The following FER1L6 variants were observed in gnomAD, a reference collection of about 807,000 sequenced individuals.
FER1L6 encodes the protein fer-1-like protein 6.
A neutral mutation model predicts 219.2 loss-of-function variants in FER1L6; 177 were observed. That is an observed-to-expected ratio of 0.81 (90% CI 0.71 to 0.91). The LOEUF is 0.91. Among genes scored for constraint, FER1L6 ranks in the 40% least tolerant of loss-of-function variants. The pLI is 0.00. For missense variants in FER1L6, 2,153 were observed against 2,259.9 expected, an observed-to-expected ratio of 0.95 and a Z score of 0.96; for synonymous variants, 768 against 824.3, an observed-to-expected ratio of 0.93 and a Z score of 1.17.
chr8:123,888,019 G>C (rs1311740703), intron 1 of FER1L6, among the ~76,000 whole-genome samples: 1 of 152,122 alleles, frequency 6.6e-6, no homozygotes, highest in African/African-American at 2.4e-5. Context: ...CATTCTTGGG[G>C]CTTGTTTGTT....
At chr8:123,974,232 G>A (rs1377881110) in intron 7 of FER1L6, among the ~76,000 whole-genome samples, 1 of 152,194 alleles carries the variant, frequency 6.6e-6, no homozygotes. Context: ...CAGCCTGAGT[G>A]TGAGGCATAA....
chr8:124,040,270 A>G (rs1819425304), intron 20 of FER1L6, among the ~76,000 whole-genome samples: 1 of 152,228 alleles, frequency 6.6e-6, no homozygotes, highest in African/African-American at 2.4e-5. Context: ...AATGAGGCGG[A>G]GAAGGCTAAA....
chr8:124,101,057 T>G (rs775035547), intron 37 of FER1L6, 40 bp from the exon 38 acceptor site: 5 of 1,596,752 alleles, frequency 3.1e-6, no homozygotes, highest in Non-Finnish European at 4.3e-6. Flanking sequence ...GCCTGGAGAA[T>G]GTACTCTGAG....
chr8:124,103,957 C>G (rs1485113718), intron 39 of FER1L6, among the ~76,000 whole-genome samples: 1 of 152,196 alleles, frequency 6.6e-6, no homozygotes, highest in East Asian at 1.9e-4. Context: ...CTTCTAGTGC[C>G]TTGTGGCAAA....
chr8:124,094,872 C>G, intron 34 of FER1L6, 24 bp from the exon 35 acceptor site: 2 of 1,613,394 alleles, frequency 1.2e-6, no homozygotes, highest in Non-Finnish European at 8.5e-7. Flanking sequence ...ACACATCTGA[C>G]AAGTTTGTCT....
chr8:123,976,160 CAAATT>C, intron 9 of FER1L6, 76 bp downstream of exon 9: 1 of 1,205,236 alleles, frequency 8.3e-7, no homozygotes, highest in Non-Finnish European at 1.1e-6. Context: ...TTAATCAAAT[CAAATT>C]AATAAAAATT....
chr8:124,116,056 A>G (rs769995792), intron 39 of FER1L6, among the ~76,000 whole-genome samples: 1 of 152,256 alleles, frequency 6.6e-6, no homozygotes, highest in Non-Finnish European at 1.5e-5. Flanking sequence ...TCATTATTAA[A>G]TAAGTAGCCT....
intron 22 of FER1L6, among the ~76,000 whole-genome samples, chr8:124,055,331 T>C (rs1461859082): frequency 6.6e-6 from 1 of 151,882 alleles, no homozygotes; most frequent in African/African-American, 2.4e-5. Context: ...ACTATGATCA[T>C]GCTACTGCAC....
At chr8:124,057,395 TTTTC>T (rs1435592275) in intron 22 of FER1L6, among the ~76,000 whole-genome samples, 1 of 152,216 alleles carries the variant, frequency 6.6e-6, no homozygotes, top group African/African-American at 2.4e-5. Flanking sequence ...TTTAAGGTAT[TTTTC>T]TTTATTTTTG....
In FER1L6 at chr8:124,023,900, G is replaced by GT. The variant is rs36091040; in HGVS notation, c.2286+318dup. 2.3e-3 allele frequency among the ~76,000 whole-genome samples: 309 copies of GT among 135,112 alleles called. 1 individual carries two copies. The highest frequency in any genetic ancestry group is 4.1e-3 in the African/African-American group (145 of 35,044). The allele number at this position is 135,112 out of a possible 152,430, so 88.6% of individuals were successfully genotyped here. On this transcript the variant is annotated intron_variant, in intron 18 of 40. Coordinates refer to ENST00000522917, the MANE Select transcript of FER1L6 (RefSeq NM_001039112.2). ...AGTATTAATAACAATGAACCTTAAG[G>GT]TTTTTTTTTTTTTTGAGACAGTGTC...
At chr8:124,015,607 A>ATATATGTATGTATGTATG (rs1554632087) in intron 15 of FER1L6, among the ~76,000 whole-genome samples, 1 of 88,606 alleles carries the variant, frequency 1.1e-5, no homozygotes, top group African/African-American at 4.3e-5. Context: ...ATATATATAT[A>ATATATGTATGTATGTATG]TATATATATT....
At chr8:123,950,608 C>T (rs1396225059) in intron 1 of FER1L6, among the ~76,000 whole-genome samples, 5 of 152,182 alleles carry the variant, frequency 3.3e-5, no homozygotes, top group African/African-American at 9.7e-5. Flanking sequence ...ATTTCCTAGA[C>T]TCAGCTGACT....
At chr8:123,861,466 C>A (rs998988756) in intron 1 of FER1L6, among the ~76,000 whole-genome samples, 4 of 140,912 alleles carry the variant, frequency 2.8e-5, no homozygotes, top group African/African-American at 1.2e-4. Context: ...GCGATGCGGG[C>A]TCTTTTTTGG....
At chr8:124,025,447 A>G (rs939789157) in intron 18 of FER1L6, among the ~76,000 whole-genome samples, 3 of 151,988 alleles carry the variant, frequency 2.0e-5, no homozygotes, top group Admixed American at 6.6e-5. Flanking sequence ...CCTTTCTCCA[A>G]TTTGTGTTTT....
chr8:123,924,818 G>A (rs1813502580), intron 1 of FER1L6: 2 of 152,208 alleles, frequency 1.3e-5, no homozygotes, highest in African/African-American at 4.8e-5. Context: ...GGTGCAAGCA[G>A]CCACACTTTC....
At chr8:124,076,979 G>A (rs1214897131) in intron 32 of FER1L6, among the ~76,000 whole-genome samples, 1 of 152,236 alleles carries the variant, frequency 6.6e-6, no homozygotes, top group Admixed American at 6.5e-5. Flanking sequence ...GCATTCACCA[G>A]CTCACAGCAA....
intron 13 of FER1L6, among the ~76,000 whole-genome samples, chr8:124,008,057 T>G (rs1012441063): frequency 6.6e-6 from 1 of 152,192 alleles, no homozygotes; most frequent in Non-Finnish European, 1.5e-5. Context: ...CAGTATACGC[T>G]GAACCCAATT....
chr8:123,866,621 G>T (rs893098227), intron 1 of FER1L6, among the ~76,000 whole-genome samples: 4 of 152,086 alleles, frequency 2.6e-5, no homozygotes, highest in Admixed American at 2.6e-4. Flanking sequence ...GCACAGCAAG[G>T]TTTCCTTGTC....
chr8:123,923,600 A>G (rs1586470184), intron 1 of FER1L6, among the ~76,000 whole-genome samples: 1 of 152,304 alleles, frequency 6.6e-6, no homozygotes, highest in African/African-American at 2.4e-5. Flanking sequence ...GTTGGTGATG[A>G]TGATGATGAC....
Sources: gnomAD v4.1 joint callset for allele counts (sites outside exome capture counted in the v4.1 genomes callset) on GRCh38, gnomAD v4.1.1 for gene constraint, MANE v1.5 for transcripts, NCBI Gene and HGNC (gene_info 2026-07-23, HGNC 2026-07-21) for gene names.